The following PHF14 variants were observed in gnomAD, a reference collection of about 807,000 sequenced individuals.
PHF14 encodes PHD finger protein 14.
PHF14 carries 55 observed loss-of-function variants against 117.9 expected under a neutral mutation model. The ratio of observed to expected loss-of-function variants is 0.47; its 90% CI spans 0.38 to 0.58. The LOEUF is 0.58. PHF14 is among the 20% of genes least tolerant of loss of function. The pLI is 0.00. For synonymous variants in PHF14, 409 were observed against 368.6 expected (o/e 1.11, Z -1.26); for missense variants, 978 against 1,122.2 (o/e 0.87, Z 1.84).
At chr7:11,022,789 C>T in intron 5 of PHF14, 79 bp from the exon 6 acceptor site, 1 of 663,946 alleles carries the variant, frequency 1.5e-6, no homozygotes. Flanking sequence ...TTTGAGATGG[C>T]AAGCGTTTTA....
chr7:10,997,509 T>G (rs1782702449), intron 4 of PHF14, among the ~76,000 whole-genome samples: 1 of 152,234 alleles, frequency 6.6e-6, no homozygotes, highest in East Asian at 1.9e-4. Context: ...AACAAACATT[T>G]ATTATTTCAC....
At chr7:10,990,486 A>C (rs1031862733) in intron 3 of PHF14, among the ~76,000 whole-genome samples, 6 of 152,172 alleles carry the variant, frequency 3.9e-5, no homozygotes, top group African/African-American at 1.4e-4. Context: ...GAGAAGTGAA[A>C]AATTAAATAA....
chr7:11,008,747 C>G (rs1485982145), intron 4 of PHF14, among the ~76,000 whole-genome samples: 1 of 152,088 alleles, frequency 6.6e-6, no homozygotes, highest in Admixed American at 6.6e-5. Context: ...ATTTTAAAAT[C>G]TTTTTTGGCC....
rs188165272 is a variant in PHF14 at position 11,024,448 on chromosome 7, G to A, written c.1317+1469G>A. 3.9e-5 allele frequency among the ~76,000 whole-genome samples: 6 copies of A among 152,300 alleles called. No homozygotes were observed. In the East Asian group the frequency reaches 1.2e-3, roughly 29 times the overall value. On this transcript the variant is annotated intron_variant, in intron 6 of 17. Transcript: ENST00000634607. ...AAACAGTCTTCTATTGGAAGAAGAT[G>A]CCATCTAGGACTTACCATAGCTAGA...
At chr7:11,030,716 C>T (rs1022075800) in intron 7 of PHF14, among the ~76,000 whole-genome samples, 3 of 152,102 alleles carry the variant, frequency 2.0e-5, no homozygotes, top group Admixed American at 1.3e-4. Context: ...TGCTGTGTCC[C>T]TTGATTAATT....
intron 16 of PHF14, among the ~76,000 whole-genome samples, chr7:11,087,886 A>C (rs1786479561): frequency 6.6e-6 from 1 of 152,216 alleles, no homozygotes; most frequent in Admixed American, 6.5e-5. Flanking sequence ...GGGGGCAAAA[A>C]GATTTTTAAA....
At position 11,130,098 on chromosome 7, in the gene PHF14, T is replaced by TA. The variant is rs142088107; in HGVS notation, c.2772+18632dup. On this transcript the variant is annotated intron_variant, in intron 17 of 17. Coordinates refer to ENST00000634607, the MANE Select transcript of PHF14 (RefSeq NM_001007157.2). The surrounding 1 kb of genome is among the most constrained non-coding windows in gnomAD (Gnocchi z 4.2). ...AGGTTGACAGAGCAGCTCTGCTCAT[T>TA]ATAGTCACTTGGGGACCCGAGCTGA... Among the ~76,000 whole-genome samples, 10,712 of 146,990 alleles carry TA rather than the reference T, an allele frequency of 0.073. 386 individuals carry two copies. The highest frequency in any genetic ancestry group is 0.096 in the Middle Eastern group (26 of 272).
intron 7 of PHF14, among the ~76,000 whole-genome samples, chr7:11,032,602 TA>T (rs1445561314): frequency 1.3e-5 from 2 of 152,174 alleles, no homozygotes; most frequent in Non-Finnish European, 2.9e-5. Context: ...GGAGTAGAGT[TA>T]AAAAAGAAAA....
intron 17 of PHF14, among the ~76,000 whole-genome samples, chr7:11,120,102 G>A (rs192851440): frequency 2.6e-5 from 4 of 151,954 alleles, no homozygotes; most frequent in Admixed American, 6.6e-5. Flanking sequence ...AATTGGATGC[G>A]TCGTATAGTA....
intron 17 of PHF14, among the ~76,000 whole-genome samples, chr7:11,125,124 A>G (rs1008766838): frequency 6.6e-6 from 1 of 152,104 alleles, no homozygotes; most frequent in African/African-American, 2.4e-5. Flanking sequence ...ACACAGCAGA[A>G]ACTAATCTAT....
At chr7:10,975,444 G>T (rs1032028663) in intron 2 of PHF14, among the ~76,000 whole-genome samples, 1 of 152,200 alleles carries the variant, frequency 6.6e-6, no homozygotes, top group Admixed American at 6.5e-5. Context: ...GGACCTTGTG[G>T]ATTGGGCCTT....
chr7:11,122,352 T>TATATATATATATATATACAC lies in PHF14; in HGVS notation c.2772+10886_2772+10887insTATATATATATATATACACA. On this transcript the variant is annotated intron_variant, in intron 17 of 17. Coordinates refer to ENST00000634607, the MANE Select transcript of PHF14 (RefSeq NM_001007157.2). ...CTTTTTATATATATATATATATATA[T>TATATATATATATATATACAC]ACACACACACACACACACACACACA... 5.9e-4 allele frequency among the ~76,000 whole-genome samples: 39 copies of TATATATATATATATATACAC among 65,862 alleles called. No individual in the cohort carries two copies. In the East Asian group the frequency reaches 8.8e-3, roughly 15 times the overall value. 43.2% of individuals were successfully genotyped at this position (65,862 alleles called of 152,430 possible).
chr7:11,004,379 A>G (rs371435682), intron 4 of PHF14, among the ~76,000 whole-genome samples: 1 of 133,090 alleles, frequency 7.5e-6, no homozygotes, highest in Non-Finnish European at 1.5e-5. Context: ...TTGCTTGCTC[A>G]TACATATACA....
intron 17 of PHF14, among the ~76,000 whole-genome samples, chr7:11,144,110 GA>G (rs1451567876): frequency 1.3e-5 from 2 of 151,974 alleles, no homozygotes; most frequent in African/African-American, 4.8e-5. Flanking sequence ...ATAAGTATAT[GA>G]AAAAATGCTC....
intron 17 of PHF14, among the ~76,000 whole-genome samples, chr7:11,115,048 C>G (rs1027018759): frequency 2.0e-5 from 3 of 151,996 alleles, no homozygotes; most frequent in African/African-American, 7.2e-5. Context: ...TTTCTTCTTC[C>G]ATCCGTTCAC....
chr7:11,069,719 T>G (rs1785547066), intron 16 of PHF14, among the ~76,000 whole-genome samples: 1 of 148,702 alleles, frequency 6.7e-6, no homozygotes, highest in Non-Finnish European at 1.5e-5. Context: ...TCTTTCCTTT[T>G]TTTTTGGTTG....
At chr7:11,010,503 T>C (rs74593345) in intron 4 of PHF14, among the ~76,000 whole-genome samples, 2,093 of 152,058 alleles carry the variant, frequency 0.014, 49 homozygotes, top group East Asian at 0.1. Flanking sequence ...ATGATACATA[T>C]AATTATGTAT....
At chr7:11,154,270 G>A (rs926240924) in intron 17 of PHF14, among the ~76,000 whole-genome samples, 11 of 152,066 alleles carry the variant, frequency 7.2e-5, no homozygotes, top group Admixed American at 6.5e-4. Flanking sequence ...ATCCACTTGA[G>A]TATGTGTGTG....
At chr7:11,152,763 A>G (rs1246503144) in intron 17 of PHF14, among the ~76,000 whole-genome samples, 2 of 152,192 alleles carry the variant, frequency 1.3e-5, no homozygotes, top group Non-Finnish European at 2.9e-5. Context: ...GTTATGGAAA[A>G]CAATCTGAGT....
Sources: gnomAD v4.1 joint callset for allele counts (sites outside exome capture counted in the v4.1 genomes callset) on GRCh38, gnomAD v4.1.1 for gene constraint, Gnocchi (gnomAD v3.1) non-coding constraint, MANE v1.5 for transcripts, NCBI Gene and HGNC (gene_info 2026-07-23, HGNC 2026-07-21) for gene names.